Variants in SLC13A2 observed in about 807,000 individuals in gnomAD.
SLC13A2 encodes solute carrier family 13 member 2.
Under a neutral mutation model 58.5 loss-of-function variants are expected in SLC13A2, and 40 were observed. The ratio of observed to expected loss-of-function variants is 0.68; its 90% CI spans 0.53 to 0.89. The LOEUF (loss-of-function observed/expected upper bound fraction) is 0.89. Among genes scored for constraint, SLC13A2 ranks in the 40% least tolerant of loss-of-function variants. SLC13A2 has a pLI of 0.00. For synonymous variants in SLC13A2, 341 were observed against 331.6 expected (o/e 1.03, Z -0.31); for missense variants, 694 against 772.6 (o/e 0.90, Z 1.21).
chr17:28,488,329 G>A (rs543710600), intron 1 of SLC13A2, among the ~76,000 whole-genome samples: 12 of 152,272 alleles, frequency 7.9e-5, no homozygotes, highest in South Asian at 2.1e-4. Flanking sequence ...ACCCCAGCAT[G>A]CGGCCCCTTC....
chr17:28,475,354 G>A (rs1387261576), intron 1 of SLC13A2, among the ~76,000 whole-genome samples: 1 of 152,086 alleles, frequency 6.6e-6, no homozygotes, highest in Non-Finnish European at 1.5e-5. Context: ...TCCTGACTCT[G>A]GTCCTGTCTA....
At chr17:28,488,912 G>A (rs953811479) in intron 1 of SLC13A2, among the ~76,000 whole-genome samples, 1 of 152,180 alleles carries the variant, frequency 6.6e-6, no homozygotes, top group Non-Finnish European at 1.5e-5. Context: ...GGGATCCTCA[G>A]CTGGGCCCCT....
intron 1 of SLC13A2, among the ~76,000 whole-genome samples, chr17:28,480,753 G>C (rs1199642735): frequency 1.3e-5 from 2 of 152,128 alleles, no homozygotes; most frequent in Admixed American, 1.3e-4. Context: ...ACACAGACTG[G>C]TCTGGAGCCC....
At chr17:28,491,695 G>A (rs781997742) in intron 5 of SLC13A2, 35 bp from the exon 6 acceptor site, 10 of 1,611,586 alleles carry the variant, frequency 6.2e-6, no homozygotes, top group Non-Finnish European at 5.9e-6. Flanking sequence ...AGTTCTCGGG[G>A]CAATGTCACA....
In SLC13A2 at chr17:28,477,422, C is replaced by T. The variant is rs557350324; in HGVS notation, c.102+3608C>T. ...TGTTAGCCAGGATGGTCTTGATCTC[C>T]TGACCTCGTGATCCGCCCGCCTTGG... On this transcript the variant is annotated intron_variant, in intron 1 of 11. Transcript: ENST00000314669. 2.6e-5 allele frequency among the ~76,000 whole-genome samples: 4 copies of T among 151,916 alleles called. No homozygotes were observed. The East Asian group carries it at 6.1e-4, about 23-fold the overall frequency.
At position 28,479,707 on chromosome 17, in the gene SLC13A2, T is replaced by A. The variant is rs544584668; in HGVS notation, c.102+5893T>A. ...CCTTTTAGAATGCATAAACATTACA[T>A]GTGTTTGAATTTTAAAATCTGTGTA... On this transcript the variant is annotated intron_variant, in intron 1 of 11. Transcript: ENST00000314669. 1.2e-4 allele frequency among the ~76,000 whole-genome samples: 18 copies of A among 152,322 alleles called. No individual in the cohort carries two copies. In the South Asian group the frequency reaches 3.3e-3, roughly 28 times the overall value.
chr17:28,484,135 A>G (rs1007713654), intron 1 of SLC13A2, among the ~76,000 whole-genome samples: 1 of 152,176 alleles, frequency 6.6e-6, no homozygotes, highest in Non-Finnish European at 1.5e-5. Flanking sequence ...ACAGACTTGC[A>G]CCCTGCTCCC....
At chr17:28,473,842 T>A (rs2068626384) in intron 1 of SLC13A2, 28 bp downstream of exon 1, 1 of 1,595,522 alleles carries the variant, frequency 6.3e-7, no homozygotes, top group African/African-American at 1.3e-5. Flanking sequence ...TGAGCACAGA[T>A]AACTCCAGGG....
rs146974814 is a variant in SLC13A2 at position 28,478,164 on chromosome 17, G to C, written c.102+4350G>C. On this transcript the variant is annotated intron_variant, in intron 1 of 11. Coordinates refer to ENST00000314669, the MANE Select transcript of SLC13A2 (RefSeq NM_003984.4). Reference sequence around the variant, plus strand: ...AGTGTGGGGAAGCAATTTGCTTAAAGTCCCAGCTAGGAAAAAAGTTTGAAC... The same window carrying C: ...AGTGTGGGGAAGCAATTTGCTTAAACTCCCAGCTAGGAAAAAAGTTTGAAC... Among the ~76,000 whole-genome samples the C allele has an allele frequency of 7.2e-3, 1,093 of 152,334 alleles. 5 individuals carry two copies. The highest frequency in any genetic ancestry group is 0.011 in the Non-Finnish European group (766 of 68,024).
At chr17:28,493,314 G>A (rs1555603872) in intron 6 of SLC13A2, among the ~76,000 whole-genome samples, 2 of 152,190 alleles carry the variant, frequency 1.3e-5, no homozygotes, top group Non-Finnish European at 2.9e-5. Context: ...CCCTGGGCAA[G>A]GGAGGGTTCA....
At chr17:28,476,206 A>C (rs1231403201) in intron 1 of SLC13A2, among the ~76,000 whole-genome samples, 1 of 152,066 alleles carries the variant, frequency 6.6e-6, no homozygotes, top group Non-Finnish European at 1.5e-5. Context: ...AAATACTCTG[A>C]ATGGAGTCAC....
At chr17:28,479,055 A>C (rs1555600584) in intron 1 of SLC13A2, among the ~76,000 whole-genome samples, 1 of 152,046 alleles carries the variant, frequency 6.6e-6, no homozygotes, top group Non-Finnish European at 1.5e-5. Flanking sequence ...CTGTCTCCTC[A>C]CTAAAAAAAT....
intron 1 of SLC13A2, among the ~76,000 whole-genome samples, chr17:28,474,480 G>A (rs566963934): frequency 9.9e-5 from 15 of 151,940 alleles, no homozygotes; most frequent in Non-Finnish European, 4.4e-5. Flanking sequence ...AAATCAAGCC[G>A]CCAATGCCTG....
intron 1 of SLC13A2, among the ~76,000 whole-genome samples, chr17:28,485,013 C>G (rs1329560610): frequency 3.9e-5 from 6 of 152,108 alleles, no homozygotes; most frequent in African/African-American, 1.4e-4. Flanking sequence ...GAGAGACAGG[C>G]TAGATCATAG....
Position 28,496,495 on chromosome 17 carries a change from A to G in SLC13A2, c.1516A>G (p.Thr506Ala), listed in dbSNP as rs781875943. Reference sequence around the variant, plus strand: ...CCCTCTCTACGTCATGCTCCCCTGCACTCTGGCCACCTCCCTGGCCTTCAT... The same window carrying G: ...CCCTCTCTACGTCATGCTCCCCTGCGCTCTGGCCACCTCCCTGGCCTTCAT... ...LHPLYVMLPC[T>A]LATSLAFMLP... Residue 506 changes from threonine (T) to alanine (A), a missense_variant, in exon 11 of 12, where the codon ACT (threonine) becomes GCT (alanine). By Grantham distance (58) the Thr-to-Ala change is moderately conservative. Transcript: ENST00000314669. The surrounding 1 kb of genome is among the most constrained non-coding windows in gnomAD (Gnocchi z 4.2). 4 of 1,612,970 alleles carry G rather than the reference A, an allele frequency of 2.5e-6. No homozygotes were observed. The highest frequency in any genetic ancestry group is 3.4e-6 in the Non-Finnish European group (4 of 1,179,526).
chr17:28,473,804 TCC>T lies in SLC13A2; in HGVS notation c.95_96del (p.Pro32GlnfsTer2). The T allele has an allele frequency of 1.2e-6, 2 of 1,613,960 alleles. No homozygotes were observed. Among genetic ancestry groups the T allele is most frequent in the Non-Finnish European group, 1.7e-6 (2 of 1,179,934 alleles). On this transcript the variant is annotated frameshift_variant, in exon 1 of 12. Coordinates refer to ENST00000314669, the MANE Select transcript of SLC13A2 (RefSeq NM_003984.4). LOFTEE classifies it high-confidence loss of function. ...CTCCTGCTGCCTCTGCCCATCCTCG[TCC>T]CCAGTAAGGTAAGGACTTGGTGTTC...
rs184395469 is a variant in SLC13A2, at chr17:28,491,381, C to T, written c.575-56C>T. 375 of 1,589,630 alleles carry T rather than the reference C, an allele frequency of 2.4e-4. 4 individuals carry two copies. In the East Asian group the frequency reaches 5.9e-3, roughly 25 times the overall value. On this transcript the variant is annotated intron_variant, in intron 4 of 11. Transcript: ENST00000314669. ...CTGGAGGGCCTTGCAGCCCTGGCCC[C>T]GTTCCCCAGAGCTGGCCCTGTACCT...
In SLC13A2 at chr17:28,491,632, G is replaced by T. The variant is rs1555603475; in HGVS notation, c.755+15G>T. 2.5e-6 allele frequency: 4 copies of T among 1,611,080 alleles called. No individual in the cohort carries two copies. Among genetic ancestry groups the T allele is most frequent in the East Asian group, 2.2e-5 (1 of 44,806 alleles). ...CAGATCAACTCGTGAGTGACAAGGG[G>T]TGGGCCACCTTGGGGGATCTGCACA... On this transcript the variant is annotated intron_variant, in intron 5 of 11. Coordinates refer to ENST00000314669, the MANE Select transcript of SLC13A2 (RefSeq NM_003984.4).
At chr17:28,487,626 C>T in intron 1 of SLC13A2, 1 of 976,376 alleles carries the variant, frequency 1.0e-6, no homozygotes, top group South Asian at 4.7e-5. Flanking sequence ...ACACCAGGGT[C>T]CAGGAGGGCT....
Sources: allele counts gnomAD v4.1 joint callset (sites outside exome capture counted in the v4.1 genomes callset), GRCh38; gene constraint gnomAD v4.1.1; non-coding constraint Gnocchi (gnomAD v3.1); transcripts MANE v1.5; gene names NCBI Gene and HGNC (gene_info 2026-07-23, HGNC 2026-07-21).